Variants in DOCK4 observed in about 807,000 individuals in gnomAD.
DOCK4 encodes the protein dedicator of cytokinesis 4.
DOCK4 carries 97 observed loss-of-function variants against 268.1 expected under a neutral mutation model. The observed-to-expected ratio is 0.36, with a 90% CI of 0.31 to 0.43. DOCK4 has a LOEUF of 0.43. DOCK4 is among the 20% of genes least tolerant of loss of function. DOCK4 has a pLI of 1.00. For synonymous variants in DOCK4, 954 were observed against 887.2 expected (o/e 1.08, Z -1.34); for missense variants, 2,145 against 2,455.7 (o/e 0.87, Z 2.67).
chr7:112,100,107 C>T (rs1264443198), intron 1 of DOCK4, among the ~76,000 whole-genome samples: 1 of 152,160 alleles, frequency 6.6e-6, no homozygotes, highest in Admixed American at 6.5e-5. Context: ...CCTACGTATG[C>T]TAACTATCAT....
intron 21 of DOCK4, among the ~76,000 whole-genome samples, chr7:111,868,547 C>A (rs1007209786): frequency 6.6e-6 from 1 of 151,932 alleles, no homozygotes; most frequent in African/African-American, 2.4e-5. Context: ...CACATCTCTA[C>A]CAAAAATACA....
chr7:112,162,466 GTGTATAGATGT>G (rs1445110090), intron 1 of DOCK4, among the ~76,000 whole-genome samples: 3 of 151,644 alleles, frequency 2.0e-5, no homozygotes, highest in Non-Finnish European at 4.4e-5. Context: ...ACTTAGTTTT[GTGTATAGATGT>G]TGGGAGGAAG....
At chr7:111,828,508 A>G (rs1802567893) in intron 26 of DOCK4, among the ~76,000 whole-genome samples, 1 of 152,206 alleles carries the variant, frequency 6.6e-6, no homozygotes, top group Admixed American at 6.5e-5. Context: ...CCTTTCTTTG[A>G]ACTGTTAAAA....
chr7:112,041,847 G>T (rs1286478912), intron 1 of DOCK4, among the ~76,000 whole-genome samples: 5 of 152,050 alleles, frequency 3.3e-5, no homozygotes, highest in Admixed American at 6.6e-5. Flanking sequence ...TATTTGCTTG[G>T]ACCCAGCCTG....
At chr7:112,194,088 C>T (rs1820211156) in intron 1 of DOCK4, among the ~76,000 whole-genome samples, 2 of 152,136 alleles carry the variant, frequency 1.3e-5, no homozygotes, top group South Asian at 4.1e-4. Flanking sequence ...AGGGCTTCAA[C>T]ATATGAATTT....
At chr7:111,776,391 C>G (rs550591275) in intron 36 of DOCK4, among the ~76,000 whole-genome samples, 7 of 152,118 alleles carry the variant, frequency 4.6e-5, no homozygotes, top group Middle Eastern at 3.4e-3. Context: ...CTGAATAATA[C>G]AATAACAAAA....
intron 1 of DOCK4, among the ~76,000 whole-genome samples, chr7:112,065,394 T>C (rs1175912897): frequency 6.6e-6 from 1 of 151,974 alleles, no homozygotes; most frequent in Non-Finnish European, 1.5e-5. Flanking sequence ...GTAGCGAAAG[T>C]TATTCTCCCT....
chr7:111,764,977 T>C (rs936553122), intron 39 of DOCK4, 141 bp downstream of exon 39: 8 of 452,732 alleles, frequency 1.8e-5, no homozygotes, highest in Non-Finnish European at 3.1e-5. Context: ...TAGATTAATA[T>C]AGTGTCTGCA....
At chr7:111,961,651 G>C (rs1185816461) in intron 8 of DOCK4, among the ~76,000 whole-genome samples, 2 of 152,210 alleles carry the variant, frequency 1.3e-5, no homozygotes, top group Admixed American at 1.3e-4. Flanking sequence ...TTTTAAGTCT[G>C]AATCAAGGCT....
intron 5 of DOCK4, among the ~76,000 whole-genome samples, chr7:111,992,321 A>C (rs1234353079): frequency 6.6e-6 from 1 of 152,216 alleles, no homozygotes; most frequent in Non-Finnish European, 1.5e-5. Flanking sequence ...GATGGACAAT[A>C]ACCTAAACAC....
intron 25 of DOCK4, among the ~76,000 whole-genome samples, chr7:111,836,215 T>A (rs1803229068): frequency 6.6e-6 from 1 of 151,722 alleles, no homozygotes; most frequent in Non-Finnish European, 1.5e-5. Context: ...TTTTTTTTTT[T>A]AATACCAGCC....
chr7:112,116,214 T>C (rs1489654106), intron 1 of DOCK4, among the ~76,000 whole-genome samples: 1 of 152,130 alleles, frequency 6.6e-6, no homozygotes, highest in Non-Finnish European at 1.5e-5. Context: ...GCTTTCTGTC[T>C]CTACAGATTT....
chr7:111,818,344 T>G (rs1177715527), intron 27 of DOCK4, among the ~76,000 whole-genome samples: 1 of 152,170 alleles, frequency 6.6e-6, no homozygotes, highest in Non-Finnish European at 1.5e-5. Flanking sequence ...CTTGAATATC[T>G]AGTACACCTC....
intron 12 of DOCK4, among the ~76,000 whole-genome samples, chr7:111,928,509 CT>C (rs1484603508): frequency 6.6e-6 from 1 of 151,396 alleles, no homozygotes; most frequent in Admixed American, 6.6e-5. Flanking sequence ...TTTTTCTTTG[CT>C]GTCATTAGCA....
In DOCK4 at chr7:111,728,433, G is replaced by A; in HGVS notation, c.5769C>T (p.Val1923=). ...SVYERTLRRP[V]PLPHSLSIPV... is the part of the protein sequence containing the mutation. ...GGATGGAGAGGCTGTGAGGTAGCGG[G>A]ACGGGGCGCCGCAGAGTCCGCTCGT... is the stretch of plus-strand genomic sequence containing the variant. Residue 1923 remains valine, a synonymous_variant, in exon 53 of 53, where the codon GTC becomes GTT. Transcript: ENST00000428084. 1 of 1,591,552 alleles carries A rather than the reference G, an allele frequency of 6.3e-7. No individual in the cohort carries two copies. The highest frequency in any genetic ancestry group is 8.6e-7 in the Non-Finnish European group (1 of 1,167,510).
At chr7:111,948,772 T>C (rs569296463) in intron 8 of DOCK4, among the ~76,000 whole-genome samples, 1 of 152,012 alleles carries the variant, frequency 6.6e-6, no homozygotes, top group South Asian at 2.1e-4. Flanking sequence ...TTTTTGCATT[T>C]TTAGTAGAGA....
chr7:111,949,465 T>C (rs994445121), intron 8 of DOCK4, among the ~76,000 whole-genome samples: 3 of 152,196 alleles, frequency 2.0e-5, no homozygotes, highest in African/African-American at 7.2e-5. Context: ...ATTATGCAAG[T>C]ATTATACTAT....
intron 30 of DOCK4, among the ~76,000 whole-genome samples, chr7:111,793,880 G>A (rs1166215482): frequency 6.6e-6 from 1 of 152,116 alleles, no homozygotes; most frequent in Non-Finnish European, 1.5e-5. Context: ...GCCAGGCATG[G>A]TGTGTCACGC....
chr7:111,731,472 T>G (rs1795078670), intron 52 of DOCK4, among the ~76,000 whole-genome samples: 1 of 152,214 alleles, frequency 6.6e-6, no homozygotes, highest in Admixed American at 6.5e-5. Flanking sequence ...CATATTTGCC[T>G]CTGGTGCAGC....
Sources: allele counts gnomAD v4.1 joint callset (sites outside exome capture counted in the v4.1 genomes callset), GRCh38; gene constraint gnomAD v4.1.1; transcripts MANE v1.5; gene names NCBI Gene and HGNC (gene_info 2026-07-23, HGNC 2026-07-21).